The following FUS variants were observed in gnomAD, a reference collection of about 807,000 sequenced individuals.
FUS encodes FUS RNA binding protein.
Under a neutral mutation model 82.7 loss-of-function variants are expected in FUS, and 5 were observed. That is an observed-to-expected ratio of 0.06 (90% CI 0.03 to 0.13). FUS has a LOEUF of 0.13. Among genes scored for constraint, FUS ranks in the 10% least tolerant of loss-of-function variants. The pLI, the probability that FUS is intolerant of heterozygous loss-of-function variation, is 1.00. For missense variants in FUS, 512 were observed against 707.8 expected (o/e 0.72, Z 3.14); for synonymous variants, 281 against 247.4 (o/e 1.14, Z -1.27).
In FUS at chr16:31,190,964, G is replaced by A; in HGVS notation, c.1395G>A (p.Gly465=). The A allele has an allele frequency of 1.2e-6, 2 of 1,612,576 alleles. No homozygotes were observed. The highest frequency in any genetic ancestry group is 1.1e-5 in the South Asian group (1 of 91,026). ...TAGATCTTGTTTCTTTTGTCCTAGG[G>A]GGTAACTACGGGGATGATCGTCGTG... ...PGGGPGGSHM[G]GNYGDDRRGG... is the part of the protein sequence containing the mutation. Residue 465 remains glycine, a splice_region_variant and synonymous_variant, in exon 14 of 15, where the codon GGG becomes GGA. Coordinates refer to ENST00000254108, the MANE Select transcript of FUS (RefSeq NM_004960.4).
chr16:31,186,680 G>C, intron 6 of FUS, 122 bp from the exon 7 acceptor site: 1 of 856,286 alleles, frequency 1.2e-6, no homozygotes, highest in Non-Finnish European at 2.0e-6. Context: ...TATTTTAGTA[G>C]CCACTTGTAT....
chr16:31,191,294 A>C (rs1464922003), intron 14 of FUS, 105 bp from the exon 15 acceptor site: 1 of 1,514,552 alleles, frequency 6.6e-7, no homozygotes, highest in South Asian at 1.1e-5. Flanking sequence ...ACTTGAGATA[A>C]GATACTCGCT....
intron 6 of FUS, chr16:31,185,997 A>T: frequency 4.2e-6 from 1 of 236,790 alleles, no homozygotes; most frequent in Non-Finnish European, 8.4e-6. Flanking sequence ...TTTTTGGAAA[A>T]AGTAGATTTT....
downstream of FUS, chr16:31,192,832 A>G (rs1231825040): frequency 2.1e-6 from 1 of 483,086 alleles, no homozygotes; most frequent in South Asian, 1.5e-5. Context: ...TTGGCCTCCC[A>G]AAGTGCTGGA....
chr16:31,189,346 C>T (rs1369298356), intron 9 of FUS, 120 bp downstream of exon 9: 9 of 875,428 alleles, frequency 1.0e-5, no homozygotes, highest in Non-Finnish European at 1.8e-5. Context: ...GTGGTTGTTG[C>T]CAGCTTAATT....
At chr16:31,185,386 C>G in intron 6 of FUS, 1 of 642,426 alleles carries the variant, frequency 1.6e-6, no homozygotes, top group Admixed American at 2.7e-5. Flanking sequence ...ATCCATACCA[C>G]TGAATAGAGA....
downstream of FUS, chr16:31,192,309 G>A: frequency 1.9e-6 from 1 of 526,950 alleles, no homozygotes; most frequent in East Asian, 4.0e-5. Context: ...GGAAGGGGTT[G>A]CAGCCAATGA....
At chr16:31,185,948 T>C in intron 6 of FUS, 1 of 238,590 alleles carries the variant, frequency 4.2e-6, no homozygotes, top group Non-Finnish European at 8.3e-6. Flanking sequence ...GACCCTACTC[T>C]GTCTCCCTTG....
chr16:31,183,742 T>C, intron 3 of FUS, 116 bp from the exon 4 acceptor site: 2 of 1,301,178 alleles, frequency 1.5e-6, no homozygotes, highest in Non-Finnish European at 2.2e-6. Flanking sequence ...GCAACATCAC[T>C]AACAGCTTCT....
downstream of FUS, chr16:31,191,621 C>G (rs1323585781): frequency 6.8e-6 from 5 of 737,432 alleles, no homozygotes; most frequent in Non-Finnish European, 1.2e-5. Context: ...TTCCTCTTCC[C>G]CCTTTTCACT....
chr16:31,185,776 C>T (rs1299374260), intron 6 of FUS: 5 of 311,220 alleles, frequency 1.6e-5, no homozygotes, highest in Admixed American at 8.3e-5. Flanking sequence ...TGACAGTGGT[C>T]TCCCACCTAT....
rs368496944 is a variant in FUS, at chr16:31,180,700, C to T, written c.13+473C>T. Among the ~76,000 whole-genome samples the T allele has an allele frequency of 4.6e-5, 7 of 152,276 alleles. No individual in the cohort carries two copies. The East Asian group carries it at 1.2e-3, about 25-fold the overall frequency. On this transcript the variant is annotated intron_variant, in intron 1 of 14. Coordinates refer to ENST00000254108, the MANE Select transcript of FUS (RefSeq NM_004960.4). The stretch of plus-strand genomic sequence containing the variant: ...CAGCTTTCTGTCGCGAGACCCTTCG[C>T]GGAAGACTCGGCGGCGCGCGTCCGG...
chr16:31,190,851 G>A lies in FUS; in HGVS notation c.1393+9G>A, dbSNP rs760968665. The stretch of plus-strand genomic sequence containing the variant: ...AGGTGGCTCTCACATGGGTAAGAAA[G>A]GCAGACCTGGTGCTAGGGAGCTGGG... On this transcript the variant is annotated intron_variant, in intron 13 of 14. Transcript: ENST00000254108. 1 of 1,614,038 alleles carries A rather than the reference G, an allele frequency of 6.2e-7. No individual in the cohort carries two copies. The highest frequency in any genetic ancestry group is 8.5e-7 in the Non-Finnish European group (1 of 1,179,850).
intron 8 of FUS, 90 bp downstream of exon 8, chr16:31,188,447 T>C (rs2079304236): frequency 2.5e-5 from 35 of 1,379,038 alleles, no homozygotes; most frequent in Middle Eastern, 1.8e-4. Flanking sequence ...AAAAGGAAAC[T>C]GAAAAAAATG....
intron 10 of FUS, 106 bp from the exon 11 acceptor site, chr16:31,189,934 A>T (rs1211032681): frequency 6.4e-7 from 1 of 1,564,374 alleles, no homozygotes. Context: ...ATTTTTGCTT[A>T]TGTGTCAGCA....
downstream of FUS, chr16:31,192,907 T>G (rs751244039): frequency 4.1e-6 from 2 of 486,322 alleles, no homozygotes; most frequent in Admixed American, 4.6e-5. Flanking sequence ...ACAAGTATGT[T>G]CTCTACTGAA....
rs2144136855 is a variant in FUS at position 31,190,414 on chromosome 16, T to G, written c.1292+16T>G. The G allele has an allele frequency of 6.2e-7, 1 of 1,613,976 alleles. No individual in the cohort carries two copies. The highest frequency in any genetic ancestry group is 1.7e-5 in the Admixed American group (1 of 60,012). On this transcript the variant is annotated intron_variant, in intron 12 of 14. Transcript: ENST00000254108. ...GTCCTAATCCGTGAGTGAAACTTAA[T>G]TTTTTTCTTAGTTCTCTTGCATGCG... is the stretch of plus-strand genomic sequence containing the variant.
At chr16:31,191,253 A>G (rs1422150398) in intron 14 of FUS, 143 bp downstream of exon 14, 2 of 1,481,620 alleles carry the variant, frequency 1.3e-6, no homozygotes, top group Admixed American at 1.8e-5. Flanking sequence ...GGGAAGGAAA[A>G]TTAACTCAGG....
At chr16:31,185,620 GAATTGGCTA>G in intron 6 of FUS, 1 of 497,990 alleles carries the variant, frequency 2.0e-6, no homozygotes, top group Non-Finnish European at 4.0e-6. Context: ...CAGCTTCCAG[GAATTGGCTA>G]CTCTTCCCGT....
Sources: gnomAD v4.1 joint callset for allele counts (sites outside exome capture counted in the v4.1 genomes callset) on GRCh38, gnomAD v4.1.1 for gene constraint, MANE v1.5 for transcripts, NCBI Gene and HGNC (gene_info 2026-07-23, HGNC 2026-07-21) for gene names.